Variants in DPYD observed in about 807,000 individuals in gnomAD.
DPYD encodes dihydropyrimidine dehydrogenase [NADP(+)].
Under a neutral mutation model 116.2 loss-of-function variants are expected in DPYD, and 109 were observed. That is an observed-to-expected ratio of 0.94 (90% CI 0.80 to 1.10). The LOEUF is 1.10. Among genes scored for constraint, DPYD ranks in the 50% least tolerant of loss-of-function variants. DPYD has a pLI of 0.00. For synonymous variants in DPYD, 440 were observed against 432.0 expected, an observed-to-expected ratio of 1.02 and a Z score of -0.23; for missense variants, 1,302 against 1,254.5, an observed-to-expected ratio of 1.04 and a Z score of -0.57.
intron 13 of DPYD, 99 bp downstream of exon 13, chr1:97,515,627 A>G (rs1570879935): frequency 9.8e-7 from 1 of 1,023,506 alleles, no homozygotes; most frequent in African/African-American, 1.6e-5. Flanking sequence ...ATAGTTTAAT[A>G]AGTAGTATTT....
chr1:97,148,831 T>C (rs376032126), intron 20 of DPYD, among the ~76,000 whole-genome samples: 261 of 152,356 alleles, frequency 1.7e-3, no homozygotes, highest in African/African-American at 6.0e-3. Context: ...CAGTTCATTG[T>C]TTGTATCTCC....
chr1:97,491,391 C>T (rs1424977038), intron 13 of DPYD, among the ~76,000 whole-genome samples: 1 of 151,662 alleles, frequency 6.6e-6, no homozygotes, highest in Non-Finnish European at 1.5e-5. Flanking sequence ...AGGAAGGGGG[C>T]AGATAGGAGT....
At chr1:97,673,582 G>C (rs1005515606) in intron 8 of DPYD, among the ~76,000 whole-genome samples, 1 of 152,164 alleles carries the variant, frequency 6.6e-6, no homozygotes, top group Non-Finnish European at 1.5e-5. Flanking sequence ...AAAGCAGACA[G>C]AATCTACAGT....
chr1:97,318,754 C>T (rs1490386773), intron 16 of DPYD, among the ~76,000 whole-genome samples: 1 of 149,396 alleles, frequency 6.7e-6, no homozygotes, highest in South Asian at 2.2e-4. Context: ...ACAGAACTCT[C>T]CACCCCAAAT....
At chr1:97,382,944 T>C (rs1455123541) in intron 14 of DPYD, among the ~76,000 whole-genome samples, 2 of 152,186 alleles carry the variant, frequency 1.3e-5, no homozygotes, top group Non-Finnish European at 2.9e-5. Context: ...CATAATAATA[T>C]CTTAAATATT....
intron 3 of DPYD, among the ~76,000 whole-genome samples, chr1:97,750,399 C>T (rs1233292629): frequency 6.6e-6 from 1 of 151,950 alleles, no homozygotes; most frequent in South Asian, 2.1e-4. Flanking sequence ...ATGAAAAAAA[C>T]AGTATGTAGA....
chr1:97,733,431 T>C (rs1296099266), intron 4 of DPYD, among the ~76,000 whole-genome samples: 1 of 152,024 alleles, frequency 6.6e-6, no homozygotes, highest in Non-Finnish European at 1.5e-5. Context: ...TTTTTGTTTA[T>C]ATACAGATTA....
At chr1:97,147,015 A>G (rs879697207) in intron 20 of DPYD, among the ~76,000 whole-genome samples, 1 of 152,178 alleles carries the variant, frequency 6.6e-6, no homozygotes, top group Non-Finnish European at 1.5e-5. Flanking sequence ...AAACCACTTT[A>G]CTGAAAGATA....
At chr1:97,295,333 A>C (rs1666457171) in intron 18 of DPYD, 1 of 135,142 alleles carries the variant, frequency 7.4e-6, no homozygotes, top group South Asian at 2.7e-4. Context: ...AGGAATGCAG[A>C]AATGTTGATC....
intron 18 of DPYD, among the ~76,000 whole-genome samples, chr1:97,235,495 G>C (rs988355542): frequency 6.6e-6 from 1 of 151,980 alleles, no homozygotes; most frequent in Non-Finnish European, 1.5e-5. Context: ...GTGGTGGCAG[G>C]CTCCTGTAAT....
Position 97,573,857 on chromosome 1 carries a change from A to T in DPYD, c.1242T>A (p.Asp414Glu), listed in dbSNP as rs1349937002. The part of the protein sequence containing the change: ...VAMQFVRTEQ[D>E]ETGKWNEDED... ...CATCTTCATTCCATTTTCCAGTTTC[A>T]TCTTGCTCTGTCCGAACAAACTGCA... Residue 414 changes from aspartate to glutamate, a missense_variant, in exon 11 of 23, where the codon GAT becomes GAA. Transcript: ENST00000370192. The T allele has an allele frequency of 6.2e-7, 1 of 1,613,730 alleles. No individual in the cohort carries two copies.
At chr1:97,365,353 ATTC>A (rs1419668204) in intron 16 of DPYD, among the ~76,000 whole-genome samples, 1 of 152,138 alleles carries the variant, frequency 6.6e-6, no homozygotes, top group Non-Finnish European at 1.5e-5. Context: ...AATCTCTATT[ATTC>A]TTCTGTGACA....
intron 2 of DPYD, among the ~76,000 whole-genome samples, chr1:97,832,045 T>TTGTGTGTGTGTGTGTG (rs35795641): frequency 1.8e-3 from 239 of 134,010 alleles, no homozygotes; most frequent in South Asian, 3.2e-3. Context: ...ATATAATGTA[T>TTGTGTGTGTGTGTGTG]TGTGTGTGTG....
intron 16 of DPYD, among the ~76,000 whole-genome samples, chr1:97,331,456 G>C (rs1668996672): frequency 6.6e-6 from 1 of 152,064 alleles, no homozygotes; most frequent in Non-Finnish European, 1.5e-5. Flanking sequence ...CTACATCCTG[G>C]ATGACAGAGC....
intron 19 of DPYD, among the ~76,000 whole-genome samples, chr1:97,224,530 T>C (rs1433402629): frequency 6.6e-5 from 10 of 151,988 alleles, no homozygotes; most frequent in African/African-American, 1.9e-4. Flanking sequence ...GTCTAAAATC[T>C]ACTCTCTTAG....
intron 8 of DPYD, among the ~76,000 whole-genome samples, chr1:97,627,724 T>C (rs918581505): frequency 2.0e-5 from 3 of 152,140 alleles, no homozygotes; most frequent in Non-Finnish European, 2.9e-5. Context: ...TCTCTCCAAG[T>C]ATTCTATCTT....
At chr1:97,808,963 T>G (rs1338135108) in intron 3 of DPYD, among the ~76,000 whole-genome samples, 1 of 152,080 alleles carries the variant, frequency 6.6e-6, no homozygotes, top group Non-Finnish European at 1.5e-5. Context: ...ATGGTTATTT[T>G]GAAGTGTTAA....
intron 12 of DPYD, among the ~76,000 whole-genome samples, chr1:97,529,451 T>C (rs1035314368): frequency 2.5e-4 from 38 of 152,354 alleles, no homozygotes; most frequent in African/African-American, 8.4e-4. Flanking sequence ...ATTAATATGC[T>C]GAGAGCAGTA....
At chr1:97,746,646 G>A (rs1318983997) in intron 3 of DPYD, among the ~76,000 whole-genome samples, 3 of 152,020 alleles carry the variant, frequency 2.0e-5, no homozygotes, top group African/African-American at 4.8e-5. Flanking sequence ...TACGAAAGAC[G>A]TGATGGAAAT....
Sources: gnomAD v4.1 joint callset for allele counts (sites outside exome capture counted in the v4.1 genomes callset) on GRCh38, gnomAD v4.1.1 for gene constraint, MANE v1.5 for transcripts, NCBI Gene and HGNC (gene_info 2026-07-23, HGNC 2026-07-21) for gene names.